Variants in LRRC28 observed in about 807,000 individuals in gnomAD.
LRRC28 encodes leucine rich repeat containing 28.
A neutral mutation model predicts 45.7 loss-of-function variants in LRRC28; 39 were observed. The observed-to-expected ratio is 0.85, with a 90% confidence interval of 0.66 to 1.12. LRRC28 has a LOEUF of 1.12. Among genes scored for constraint, LRRC28 ranks in the 50% most tolerant of loss-of-function variants. LRRC28 has a pLI of 0.00. For missense variants in LRRC28, 435 were observed against 438.5 expected (o/e 0.99, Z 0.07); for synonymous variants, 206 against 178.8 (o/e 1.15, Z -1.22).
intron 5 of LRRC28, among the ~76,000 whole-genome samples, chr15:99,310,764 T>A (rs973640571): frequency 6.6e-6 from 1 of 152,218 alleles, no homozygotes. Flanking sequence ...CTTCCATTTC[T>A]TCAAGTCATA....
rs75076173 is a variant in LRRC28, at chr15:99,388,303, T to C, written c.*2201T>C. ...CATGGAATGGAGCTATGAAATGTGC[T>C]AACTTGGTATTCAGGATTCTCATTG... On this transcript the variant is annotated 3_prime_UTR_variant, in exon 10 of 10. Coordinates refer to ENST00000301981, the MANE Select transcript of LRRC28 (RefSeq NM_144598.5). 398 of 152,376 alleles carry C rather than the reference T, an allele frequency of 2.6e-3. 4 individuals are homozygous for C. The highest frequency in any genetic ancestry group is 9.2e-3 in the African/African-American group (382 of 41,594). 9.4% of individuals were successfully genotyped at this position (152,376 alleles called of 1,614,324 possible).
At chr15:99,297,424 A>ATTTTTTTT (rs571903360) in intron 5 of LRRC28, 1 of 120,336 alleles carries the variant, frequency 8.3e-6, no homozygotes, top group African/African-American at 3.1e-5. Flanking sequence ...ATTTTCTTTA[A>ATTTTTTTT]TTTTTTTTTT....
At chr15:99,285,704 T>C (rs1183485498) in intron 3 of LRRC28, 5 of 570,514 alleles carry the variant, frequency 8.8e-6, no homozygotes, top group Non-Finnish European at 1.6e-5. Flanking sequence ...TGAAAAATTC[T>C]AATCATAATA....
At chr15:99,346,395 T>C (rs1323931219) in intron 6 of LRRC28, among the ~76,000 whole-genome samples, 1 of 152,230 alleles carries the variant, frequency 6.6e-6, no homozygotes, top group Non-Finnish European at 1.5e-5. Context: ...CTTAAACTTC[T>C]GGCCTTAAGT....
At chr15:99,374,461 C>T (rs183742290) in intron 9 of LRRC28, among the ~76,000 whole-genome samples, 75 of 152,278 alleles carry the variant, frequency 4.9e-4, no homozygotes, top group African/African-American at 1.7e-3. Context: ...TACAGCCTTG[C>T]TGAACTGGCA....
At chr15:99,332,619 T>A (rs1158713539) in intron 5 of LRRC28, among the ~76,000 whole-genome samples, 1 of 152,184 alleles carries the variant, frequency 6.6e-6, no homozygotes, top group Admixed American at 6.5e-5. Flanking sequence ...TTATTGTTGT[T>A]TACCATCCTT....
chr15:99,347,206 C>CTTT (rs36089095), intron 6 of LRRC28, among the ~76,000 whole-genome samples: 3 of 144,064 alleles, frequency 2.1e-5, no homozygotes, highest in Non-Finnish European at 1.5e-5. Context: ...CGTGAGCTCC[C>CTTT]TTTTTTTTTT....
In LRRC28 at chr15:99,386,333, T is replaced by G. The variant is rs1957989689; in HGVS notation, c.*231T>G. 2 of 475,070 alleles carry G rather than the reference T, an allele frequency of 4.2e-6. No homozygotes were observed. Among genetic ancestry groups the G allele is most frequent in the African/African-American group, 3.9e-5 (2 of 51,602 alleles). 29.4% of individuals were successfully genotyped at this position (475,070 alleles called of 1,614,324 possible). ...TCTGTGTTTTTCCTTTTTATGTGAG[T>G]GTGTCTTTTACAGAAACCATTTAGA... On this transcript the variant is annotated 3_prime_UTR_variant, in exon 10 of 10. Coordinates refer to ENST00000301981, the MANE Select transcript of LRRC28 (RefSeq NM_144598.5).
chr15:99,258,925 G>A, intron 2 of LRRC28: 1 of 725,608 alleles, frequency 1.4e-6, no homozygotes, highest in African/African-American at 1.7e-5. Flanking sequence ...AGGGTGTGGT[G>A]GACTCAGGTG....
intron 5 of LRRC28, among the ~76,000 whole-genome samples, chr15:99,329,126 C>G (rs1162761699): frequency 1.4e-4 from 22 of 152,128 alleles, no homozygotes; most frequent in Admixed American, 1.4e-3. Flanking sequence ...CACAATGGAA[C>G]AGATCAGTGA....
intron 5 of LRRC28, among the ~76,000 whole-genome samples, chr15:99,330,827 A>G (rs1956137472): frequency 6.6e-6 from 1 of 151,990 alleles, no homozygotes; most frequent in Non-Finnish European, 1.5e-5. Context: ...TTCATGTTAG[A>G]TAAATATTTT....
At chr15:99,254,604 T>C (rs2080962511) in intron 1 of LRRC28, among the ~76,000 whole-genome samples, 1 of 152,232 alleles carries the variant, frequency 6.6e-6, no homozygotes, top group Non-Finnish European at 1.5e-5. Flanking sequence ...CTGTGGAATC[T>C]TGTGAGTCAG....
At chr15:99,275,630 C>T (rs1248962335) in intron 2 of LRRC28, among the ~76,000 whole-genome samples, 2 of 152,168 alleles carry the variant, frequency 1.3e-5, no homozygotes, top group African/African-American at 4.8e-5. Context: ...GCAGGGAGTC[C>T]ACAATCAAGG....
At position 99,334,137 on chromosome 15, in the gene LRRC28, A is replaced by G; in HGVS notation, c.592+8A>G. ...TTGCATTTTTGCCACTTGGTAAGTG[A>G]TTGTGTTTAAAGTAAAGCAGCCAAA... On this transcript the variant is annotated splice_region_variant and intron_variant, in intron 6 of 9. Transcript: ENST00000301981. The G allele has an allele frequency of 6.2e-7, 1 of 1,613,992 alleles. No homozygotes were observed. The highest frequency in any genetic ancestry group is 8.5e-7 in the Non-Finnish European group (1 of 1,179,918).
intron 2 of LRRC28, among the ~76,000 whole-genome samples, chr15:99,265,669 T>C (rs1944084166): frequency 6.6e-6 from 1 of 152,126 alleles, no homozygotes; most frequent in South Asian, 2.1e-4. Flanking sequence ...AAATTAGTAG[T>C]GGGAGCATTT....
chr15:99,273,430 G>T (rs555127529), intron 2 of LRRC28, among the ~76,000 whole-genome samples: 2 of 151,266 alleles, frequency 1.3e-5, no homozygotes, highest in Admixed American at 1.3e-4. Context: ...GTAGAGACAG[G>T]GTTTCACCGT....
At chr15:99,267,207 C>T (rs182094751) in intron 2 of LRRC28, among the ~76,000 whole-genome samples, 4 of 152,224 alleles carry the variant, frequency 2.6e-5, no homozygotes, top group Admixed American at 6.5e-5. Flanking sequence ...CTCTCTTAGC[C>T]GGTGGTTAGG....
At chr15:99,362,389 G>A (rs1957227947) in intron 8 of LRRC28, among the ~76,000 whole-genome samples, 3 of 152,192 alleles carry the variant, frequency 2.0e-5, no homozygotes, top group Non-Finnish European at 4.4e-5. Context: ...TCCCAAAGAT[G>A]AGTTGATAAT....
At chr15:99,256,902 ACTTAAC>A (rs2081038687) in intron 2 of LRRC28, among the ~76,000 whole-genome samples, 1 of 152,152 alleles carries the variant, frequency 6.6e-6, no homozygotes, top group Non-Finnish European at 1.5e-5. Flanking sequence ...TCTGGTTATC[ACTTAAC>A]CTTATTTGAA....
Sources: allele counts gnomAD v4.1 joint callset (sites outside exome capture counted in the v4.1 genomes callset), GRCh38; gene constraint gnomAD v4.1.1; transcripts MANE v1.5; gene names NCBI Gene and HGNC (gene_info 2026-07-23, HGNC 2026-07-21).